USP33: variants seen among roughly 807,000 people sequenced by gnomAD.
The protein encoded by USP33 is ubiquitin specific peptidase 33.
A neutral mutation model predicts 124.2 loss-of-function variants in USP33; 46 were observed. The ratio of observed to expected loss-of-function variants is 0.37; its 90% CI spans 0.29 to 0.47. The LOEUF (loss-of-function observed/expected upper bound fraction) is 0.47, where lower values mean the gene tolerates loss of function less well. USP33 is among the 20% of genes least tolerant of loss of function. USP33 has a pLI of 0.99. For missense variants in USP33, 851 were observed against 1,070.6 expected, an observed-to-expected ratio of 0.79 and a Z score of 2.86; for synonymous variants, 350 against 352.3, an observed-to-expected ratio of 0.99 and a Z score of 0.07.
At position 77,723,459 on chromosome 1, in the gene USP33, A is replaced by G; in HGVS notation, c.1277-16T>C. On this transcript the variant is annotated splice_polypyrimidine_tract_variant and intron_variant, in intron 11 of 23. Coordinates refer to ENST00000370794, the MANE Select transcript of USP33 (RefSeq NM_201624.3). ...GCAGACTGAGCTAGGATTGAAAAAC[A>G]TTAAAAAAAAATCAAAGCAGCTCCT... is the stretch of plus-strand genomic sequence containing the variant. The G allele has an allele frequency of 6.5e-7, 1 of 1,540,520 alleles. No homozygotes were observed. Among genetic ancestry groups the G allele is most frequent in the Non-Finnish European group, 8.8e-7 (1 of 1,132,786 alleles).
intron 21 of USP33, among the ~76,000 whole-genome samples, chr1:77,702,168 A>AC (rs1674112263): frequency 2.4e-5 from 3 of 124,636 alleles, no homozygotes; most frequent in Non-Finnish European, 5.8e-5. Context: ...AAAAAAAAAA[A>AC]AAAAAAAAAC....
rs76688044 is a variant in USP33 at position 77,698,237 on chromosome 1, C to CT, written c.2510-307dup. On this transcript the variant is annotated intron_variant, in intron 22 of 23. Transcript: ENST00000370794. The stretch of plus-strand genomic sequence containing the variant: ...CACCACCACGCCCGGCTAATTTTTG[C>CT]TTTTTTTTTTTTTTTTAGTAGAGAT... Among the ~76,000 whole-genome samples, 316 of 120,992 alleles carry CT rather than the reference C, an allele frequency of 2.6e-3. 1 individual carries two copies. Among genetic ancestry groups the CT allele is most frequent in the Middle Eastern group, 0.019 (4 of 212 alleles). The allele number at this position is 120,992 out of a possible 152,430, so 79.4% of individuals were successfully genotyped here.
chr1:77,725,325 T>C (rs898435124), intron 11 of USP33, among the ~76,000 whole-genome samples: 1 of 152,144 alleles, frequency 6.6e-6, no homozygotes, highest in Non-Finnish European at 1.5e-5. Context: ...CAGGAATTCT[T>C]TGGGGTGTTA....
intron 21 of USP33, among the ~76,000 whole-genome samples, chr1:77,711,305 T>C (rs986915051): frequency 3.3e-5 from 5 of 151,436 alleles, no homozygotes; most frequent in Admixed American, 6.6e-5. Context: ...AGACAGCAAA[T>C]CACATGAGGT....
intron 21 of USP33, among the ~76,000 whole-genome samples, chr1:77,708,086 ATATTGTTGC>A (rs1052986387): frequency 1.1e-4 from 17 of 152,202 alleles, no homozygotes; most frequent in African/African-American, 4.1e-4. Flanking sequence ...CAGAAGCATG[ATATTGTTGC>A]TACTGTTGTT....
chr1:77,728,987 T>A (rs1677481791), intron 9 of USP33, among the ~76,000 whole-genome samples: 1 of 151,992 alleles, frequency 6.6e-6, no homozygotes, highest in Non-Finnish European at 1.5e-5. Flanking sequence ...GTAGCCTCGA[T>A]CCCCCAGGCT....
intron 21 of USP33, among the ~76,000 whole-genome samples, chr1:77,709,842 G>A (rs922070564): frequency 2.0e-5 from 3 of 151,034 alleles, no homozygotes; most frequent in African/African-American, 7.3e-5. Flanking sequence ...CACTTTCAGT[G>A]AGAGTTAAGA....
intron 1 of USP33, among the ~76,000 whole-genome samples, chr1:77,748,548 A>G (rs2101590829): frequency 6.6e-6 from 1 of 152,230 alleles, no homozygotes; most frequent in African/African-American, 2.4e-5. Context: ...AGGCGCCTGT[A>G]GTCCCAGCTA....
At position 77,704,694 on chromosome 1, in the gene USP33, T is replaced by TA. The variant is rs1354694006; in HGVS notation, c.2407-3224dup. 3.3e-5 allele frequency among the ~76,000 whole-genome samples: 5 copies of TA among 152,236 alleles called. No individual in the cohort carries two copies. The East Asian group carries it at 9.6e-4, about 29-fold the overall frequency. ...CTGTTTATCTTTTTGTGCTTCACCT[T>TA]AGAAGAAATCTTTCCGCTATATCTT... On this transcript the variant is annotated intron_variant, in intron 21 of 23. Coordinates refer to ENST00000370794, the MANE Select transcript of USP33 (RefSeq NM_201624.3).
intron 5 of USP33, 52 bp downstream of exon 5, chr1:77,739,213 A>C: frequency 6.4e-7 from 1 of 1,553,362 alleles, no homozygotes; most frequent in Non-Finnish European, 8.7e-7. Context: ...ACAAATTCTG[A>C]AATTATTACC....
chr1:77,722,795 TAAG>T (rs774409714), intron 12 of USP33, among the ~76,000 whole-genome samples: 6 of 152,200 alleles, frequency 3.9e-5, no homozygotes, highest in South Asian at 4.1e-4. Context: ...AAACTGTACT[TAAG>T]AAAAGCTCAA....
intron 5 of USP33, among the ~76,000 whole-genome samples, chr1:77,736,731 T>G (rs1678501143): frequency 6.6e-6 from 1 of 152,054 alleles, no homozygotes; most frequent in Non-Finnish European, 1.5e-5. Flanking sequence ...TGCCTCAGAC[T>G]CCCAAGCAGC....
intron 14 of USP33, chr1:77,721,501 C>T: frequency 1.9e-6 from 1 of 514,550 alleles, no homozygotes; most frequent in Non-Finnish European, 3.4e-6. Flanking sequence ...AGTGAATGAC[C>T]TTAAATGATA....
chr1:77,709,553 A>G (rs996431413), intron 21 of USP33, among the ~76,000 whole-genome samples: 9 of 150,804 alleles, frequency 6.0e-5, no homozygotes, highest in African/African-American at 1.9e-4. Context: ...ATATAGATAC[A>G]TATCTATATA....
At chr1:77,738,944 G>C (rs1006761912) in intron 5 of USP33, among the ~76,000 whole-genome samples, 5 of 152,000 alleles carry the variant, frequency 3.3e-5, no homozygotes, top group Admixed American at 3.3e-4. Flanking sequence ...TATCAAAGAA[G>C]GCCCACCACC....
At position 77,718,620 on chromosome 1, in the gene USP33, A is replaced by G. The variant is rs750209055; in HGVS notation, c.1713T>C (p.Phe571=). The change falls in exon 16 of 24, where the codon TTT becomes TTC. Residue 571 remains phenylalanine, a synonymous_variant. Transcript: ENST00000370794. ...KCKKLRNGVK[F]CKVQNFPEIL... ...CCTCAGGAAAGTTTTGTACTTTACAAAACTTCACTCCATTTCTCAACCTAA... is the reference window on the plus strand; with the variant it reads ...CCTCAGGAAAGTTTTGTACTTTACAGAACTTCACTCCATTTCTCAACCTAA... 9.9e-6 allele frequency: 16 copies of G among 1,609,186 alleles called. No individual in the cohort carries two copies. Among genetic ancestry groups the G allele is most frequent in the African/African-American group, 1.3e-5 (1 of 74,794 alleles).
intron 1 of USP33, among the ~76,000 whole-genome samples, chr1:77,746,998 A>G (rs562617812): frequency 5.3e-5 from 8 of 152,282 alleles, no homozygotes; most frequent in Admixed American, 5.2e-4. Flanking sequence ...TTGTTCTTTT[A>G]TTAATTGCTT....
At chr1:77,701,300 T>A in intron 22 of USP33, 69 bp downstream of exon 22, 3 of 1,137,880 alleles carry the variant, frequency 2.6e-6, no homozygotes, top group Non-Finnish European at 3.9e-6. Context: ...ACACAGATAT[T>A]CAAGAAATAC....
intron 7 of USP33, among the ~76,000 whole-genome samples, chr1:77,731,633 T>C (rs1677824714): frequency 6.6e-6 from 1 of 151,194 alleles, no homozygotes; most frequent in Admixed American, 6.6e-5. Context: ...CACCTTAGCC[T>C]CCCAAAGTGC....
Sources: allele counts gnomAD v4.1 joint callset (sites outside exome capture counted in the v4.1 genomes callset), GRCh38; gene constraint gnomAD v4.1.1; transcripts MANE v1.5; gene names NCBI Gene and HGNC (gene_info 2026-07-23, HGNC 2026-07-21).